RXFP1: variants seen among roughly 807,000 people sequenced by gnomAD.
RXFP1 encodes the protein relaxin receptor 1.
Under a neutral mutation model 89.8 loss-of-function variants are expected in RXFP1, and 73 were observed. The observed-to-expected ratio is 0.81, with a 90% CI of 0.67 to 0.99. RXFP1 has a LOEUF of 0.99. Ranked by LOEUF, RXFP1 falls within the 50% of genes least tolerant of loss-of-function variation. The pLI is 0.00. For missense variants in RXFP1, 793 were observed against 895.5 expected (o/e 0.89, Z 1.46); for synonymous variants, 277 against 305.5 (o/e 0.91, Z 0.97).
chr4:158,576,178 A>G (rs55678454), intron 2 of RXFP1, among the ~76,000 whole-genome samples: 5,254 of 152,358 alleles, frequency 0.034, 127 homozygotes, highest in Middle Eastern at 0.058. Context: ...CCAGAATCAC[A>G]TAACTTTCTT....
At chr4:158,613,038 T>G (rs1330608933) in intron 8 of RXFP1, among the ~76,000 whole-genome samples, 1 of 152,238 alleles carries the variant, frequency 6.6e-6, no homozygotes, top group East Asian at 1.9e-4. Flanking sequence ...ATTTTTTTGG[T>G]TTCCCAGTGC....
intron 2 of RXFP1, among the ~76,000 whole-genome samples, chr4:158,586,528 C>G (rs1300538338): frequency 6.6e-6 from 1 of 152,082 alleles, no homozygotes; most frequent in Admixed American, 6.6e-5. Flanking sequence ...AGGATCATTA[C>G]TGAAGTATGA....
intron 1 of RXFP1, among the ~76,000 whole-genome samples, chr4:158,527,547 C>T (rs1235633249): frequency 0.018 from 427 of 23,498 alleles, 3 homozygotes; most frequent in African/African-American, 0.033. Context: ...CCATCTCCCC[C>T]GCTCCAAAAA....
chr4:158,634,442 G>T (rs917700132), intron 12 of RXFP1, among the ~76,000 whole-genome samples: 1 of 152,108 alleles, frequency 6.6e-6, no homozygotes, highest in East Asian at 1.9e-4. Context: ...TCAGATACAT[G>T]ATTTTCAAAT....
chr4:158,546,495 G>C (rs2149859767), intron 1 of RXFP1, among the ~76,000 whole-genome samples: 1 of 152,226 alleles, frequency 6.6e-6, no homozygotes, highest in South Asian at 2.1e-4. Flanking sequence ...ATGTTGAATA[G>C]GAATGGTGAG....
In RXFP1 at chr4:158,544,576, A is replaced by C. The variant is rs1747722469; in HGVS notation, c.49+22551A>C. On this transcript the variant is annotated intron_variant, in intron 1 of 17. Transcript: ENST00000307765. Reference sequence around the variant, plus strand: ...AACTTGTCATTTACATTAGGTATATACCCTAATGCTATCCCTCCCCCTACC... The same window carrying C: ...AACTTGTCATTTACATTAGGTATATCCCCTAATGCTATCCCTCCCCCTACC... 2.6e-5 allele frequency among the ~76,000 whole-genome samples: 4 copies of C among 151,946 alleles called. No individual in the cohort carries two copies. In the South Asian group the frequency reaches 8.3e-4, roughly 31 times the overall value.
In RXFP1 at chr4:158,599,386, C is replaced by T. The variant is rs1464461963; in HGVS notation, c.347C>T (p.Thr116Ile). 1.2e-6 allele frequency: 2 copies of T among 1,613,604 alleles called. No individual in the cohort carries two copies. Among genetic ancestry groups the T allele is most frequent in the Non-Finnish European group, 1.7e-6 (2 of 1,179,796 alleles). The stretch of plus-strand genomic sequence containing the variant: ...GGTCTGGAGCTTGACTGTGATGAAA[C>T]CAATTTACGAGCTGTTCCATCGGTT... ...CQGLELDCDETNLRAVPSVSS... is the reference protein window; with the variant it reads ...CQGLELDCDEINLRAVPSVSS... Residue 116 changes from threonine to isoleucine, a missense_variant, in exon 4 of 18, where the codon ACC becomes ATC. By Grantham distance (89) the Thr-to-Ile change is moderately conservative. Coordinates refer to ENST00000307765, the MANE Select transcript of RXFP1 (RefSeq NM_021634.4).
At chr4:158,629,023 A>T (rs1420780881) in intron 11 of RXFP1, among the ~76,000 whole-genome samples, 1 of 150,718 alleles carries the variant, frequency 6.6e-6, no homozygotes, top group Non-Finnish European at 1.5e-5. Context: ...CGGTAAATTT[A>T]TGGGGGGTTT....
rs552436905 is a variant in RXFP1 at position 158,633,188 on chromosome 4, A to G, written c.900-217A>G. Among the ~76,000 whole-genome samples, 6 of 152,132 alleles carry G rather than the reference A, an allele frequency of 3.9e-5. 1 individual carries two copies. The South Asian group carries it at 1.0e-3, about 26-fold the overall frequency. ...CGGTCTCAAAAAAAAAAGATCAAAT[A>G]CCATCAAGTATTTGTCTTCCAGGGG... On this transcript the variant is annotated intron_variant, in intron 11 of 17. Transcript: ENST00000307765.
chr4:158,611,807 T>C (rs1042663382), intron 6 of RXFP1, among the ~76,000 whole-genome samples: 1 of 152,222 alleles, frequency 6.6e-6, no homozygotes, highest in African/African-American at 2.4e-5. Flanking sequence ...AGTAATCTGT[T>C]CACATGCTGT....
At chr4:158,545,618 A>G in intron 1 of RXFP1, among the ~76,000 whole-genome samples, 1 of 152,168 alleles carries the variant, frequency 6.6e-6, no homozygotes. Context: ...TCTTGAATTA[A>G]TTTTTGTATA....
chr4:158,549,332 T>G (rs915856968), intron 1 of RXFP1, among the ~76,000 whole-genome samples: 3 of 152,220 alleles, frequency 2.0e-5, no homozygotes, highest in African/African-American at 7.2e-5. Context: ...CTGTGTTGGT[T>G]ATTCTAGTTA....
chr4:158,578,276 A>G (rs1280938073), intron 2 of RXFP1, among the ~76,000 whole-genome samples: 1 of 152,198 alleles, frequency 6.6e-6, no homozygotes, highest in Non-Finnish European at 1.5e-5. Context: ...TCTGCTCAGA[A>G]CTGTCACAGA....
chr4:158,630,282 C>T (rs1203235779), intron 11 of RXFP1, among the ~76,000 whole-genome samples: 1 of 152,124 alleles, frequency 6.6e-6, no homozygotes, highest in Non-Finnish European at 1.5e-5. Context: ...AGGAAAATCT[C>T]AAAAACAAAT....
Position 158,606,750 on chromosome 4 carries a change from C to CT in RXFP1, c.465-1206dup, listed in dbSNP as rs552763586. Among the ~76,000 whole-genome samples, 287 of 138,002 alleles carry CT rather than the reference C, an allele frequency of 2.1e-3. 2 individuals are homozygous for CT. Among genetic ancestry groups the CT allele is most frequent in the East Asian group, 3.3e-3 (16 of 4,836 alleles). 90.5% of individuals were successfully genotyped at this position (138,002 alleles called of 152,430 possible). A position where few individuals can be genotyped will look rare whatever the true frequency, so the allele number is the denominator to read the frequency against. ...AGGCATGTGCCACCACACCTGGCTC[C>CT]TTTTTTTTTTTTTTTTAGAGAGATA... On this transcript the variant is annotated intron_variant, in intron 5 of 17. Transcript: ENST00000307765.
chr4:158,595,895 C>T (rs1337781380), intron 3 of RXFP1, among the ~76,000 whole-genome samples: 1 of 151,700 alleles, frequency 6.6e-6, no homozygotes, highest in African/African-American at 2.4e-5. Context: ...ACTTATAATC[C>T]CAGCACTTTG....
chr4:158,550,482 C>G (rs1749824022), intron 1 of RXFP1, among the ~76,000 whole-genome samples: 1 of 152,214 alleles, frequency 6.6e-6, no homozygotes, highest in African/African-American at 2.4e-5. Context: ...CTGGCACTCC[C>G]TAGTGAGATG....
intron 1 of RXFP1, 117 bp from the exon 2 acceptor site, chr4:158,572,581 A>T: frequency 2.2e-6 from 2 of 903,478 alleles, no homozygotes; most frequent in Non-Finnish European, 3.6e-6. Context: ...TCAGGGTTGT[A>T]TGTAGAAACC....
rs77318865 is a variant in RXFP1, at chr4:158,628,292, A to G, written c.828-346A>G. On this transcript the variant is annotated intron_variant, in intron 10 of 17. Coordinates refer to ENST00000307765, the MANE Select transcript of RXFP1 (RefSeq NM_021634.4). ...TGGTGGGTGGGCTATTTTGTTAGACAGTCATGCTATGCAGACTGAAAAGAC... is the reference window on the plus strand; with the variant it reads ...TGGTGGGTGGGCTATTTTGTTAGACGGTCATGCTATGCAGACTGAAAAGAC... Among the ~76,000 whole-genome samples the G allele has an allele frequency of 2.8e-4, 42 of 152,330 alleles. 1 individual carries two copies. In the East Asian group the frequency reaches 8.1e-3, roughly 29 times the overall value.
Sources: gnomAD v4.1 joint callset for allele counts (sites outside exome capture counted in the v4.1 genomes callset) on GRCh38, gnomAD v4.1.1 for gene constraint, MANE v1.5 for transcripts, NCBI Gene and HGNC (gene_info 2026-07-23, HGNC 2026-07-21) for gene names.